NARF: variants seen among roughly 807,000 people sequenced by gnomAD.
NARF encodes the protein nuclear prelamin A recognition factor.
In NARF, 41 loss-of-function variants were observed where a neutral mutation model predicts 48.0. That is an observed-to-expected ratio of 0.85 (90% CI 0.66 to 1.11). The LOEUF (loss-of-function observed/expected upper bound fraction) is 1.11. NARF is among the 50% of genes least tolerant of loss of function. NARF has a pLI of 0.00. For synonymous variants in NARF, 215 were observed against 225.5 expected, an observed-to-expected ratio of 0.95 and a Z score of 0.42; for missense variants, 613 against 590.2, an observed-to-expected ratio of 1.04 and a Z score of -0.40.
chr17:82,487,788 C>CCCAAAAA, intron 10 of NARF, 128 bp from the exon 11 acceptor site: 3 of 759,764 alleles, frequency 3.9e-6, no homozygotes, highest in Non-Finnish European at 6.2e-6. Flanking sequence ...CCCTCCCGCC[C>CCCAAAAA]AATCTCTACA....
At chr17:82,483,695 T>G (rs756632139) in intron 7 of NARF, 21 bp from the exon 8 acceptor site, 2 of 1,613,428 alleles carry the variant, frequency 1.2e-6, no homozygotes, top group South Asian at 2.2e-5. Context: ...CTTTTCAGTG[T>G]CTTACTTCGT....
intron 3 of NARF, among the ~76,000 whole-genome samples, chr17:82,466,298 C>T (rs1280218308): frequency 6.6e-6 from 1 of 152,126 alleles, no homozygotes; most frequent in Non-Finnish European, 1.5e-5. Context: ...CCCCCTGATA[C>T]ATAGAGAATT....
chr17:82,488,321 T>C lies in NARF; in HGVS notation c.*164T>C. On this transcript the variant is annotated 3_prime_UTR_variant, in exon 11 of 11. Coordinates refer to ENST00000309794, the MANE Select transcript of NARF (RefSeq NM_012336.4). ...TGCTACCCCGTTTATTGGAGGCCCC[T>C]CAGGCAGTTTCATGTGGTGCTATCT... 9.1e-7 allele frequency: 1 copy of C among 1,099,262 alleles called. No individual in the cohort carries two copies. Among genetic ancestry groups the C allele is most frequent in the Non-Finnish European group, 1.3e-6 (1 of 794,828 alleles). The allele number at this position is 1,099,262 out of a possible 1,614,324, so 68.1% of individuals were successfully genotyped here. A position where few individuals can be genotyped will look rare whatever the true frequency, so the allele number is the denominator to read the frequency against.
Position 82,474,487 on chromosome 17 carries a change from C to T in NARF, c.520+1789C>T, listed in dbSNP as rs150939547. ...AATAAGGAAGGAATGGCTATCCTGG[C>T]AAACAACACTAGTTAAAAATTATTC... On this transcript the variant is annotated intron_variant, in intron 5 of 10. Transcript: ENST00000309794. 3.0e-3 allele frequency among the ~76,000 whole-genome samples: 464 copies of T among 152,254 alleles called. 3 individuals are homozygous for T. Among genetic ancestry groups the T allele is most frequent in the African/African-American group, 0.011 (439 of 41,544 alleles).
Position 82,488,318 on chromosome 17 carries a change from C to A in NARF, c.*161C>A. 8.7e-7 allele frequency: 1 copy of A among 1,151,296 alleles called. No homozygotes were observed. The highest frequency in any genetic ancestry group is 1.2e-6 in the Non-Finnish European group (1 of 842,016). 71.3% of individuals were successfully genotyped at this position (1,151,296 alleles called of 1,614,324 possible). On this transcript the variant is annotated 3_prime_UTR_variant, in exon 11 of 11. Coordinates refer to ENST00000309794, the MANE Select transcript of NARF (RefSeq NM_012336.4). ...CCCTGCTACCCCGTTTATTGGAGGC[C>A]CCTCAGGCAGTTTCATGTGGTGCTA...
In NARF at chr17:82,478,978, C is replaced by T. The variant is rs60231539; in HGVS notation, c.639+60C>T. On this transcript the variant is annotated intron_variant, in intron 6 of 10. Coordinates refer to ENST00000309794, the MANE Select transcript of NARF (RefSeq NM_012336.4). The stretch of plus-strand genomic sequence containing the variant: ...GTGAGGGAGGACCATGGCACAGGGG[C>T]CCAGGAAGGGGAGGTTCCCCATCTG... 473 of 1,501,362 alleles carry T rather than the reference C, an allele frequency of 3.2e-4. 10 individuals are homozygous for T. The East Asian group carries it at 0.011, about 34-fold the overall frequency. The allele number at this position is 1,501,362 out of a possible 1,614,324, so 93.0% of individuals were successfully genotyped here. A position where few individuals can be genotyped will look rare whatever the true frequency, so the allele number is the denominator to read the frequency against.
chr17:82,471,815 C>T (rs180790417), intron 4 of NARF, among the ~76,000 whole-genome samples: 179 of 145,054 alleles, frequency 1.2e-3, no homozygotes, highest in African/African-American at 4.4e-3. Flanking sequence ...AAAGTATGCC[C>T]AGCCATTCTA....
At chr17:82,471,724 G>A (rs959247728) in intron 4 of NARF, among the ~76,000 whole-genome samples, 5 of 140,820 alleles carry the variant, frequency 3.6e-5, no homozygotes, top group Admixed American at 7.8e-5. Flanking sequence ...CCCAAGAGGC[G>A]GAGCTTGCAG....
Position 82,484,832 on chromosome 17 carries a change from G to A in NARF, c.853G>A (p.Asp285Asn), listed in dbSNP as rs1441383026. The A allele has an allele frequency of 2.5e-6, 4 of 1,607,932 alleles. No individual in the cohort carries two copies. Among genetic ancestry groups the A allele is most frequent in the Non-Finnish European group, 3.4e-6 (4 of 1,177,082 alleles). ...VDTLFGDLKE[D>N]KVTRHDGASS... ...TGTGAGGTTTGGAGACTTGAAGGAGGACAAAGTGACGCGTCATGATGGAGC... is the reference window on the plus strand; with the variant it reads ...TGTGAGGTTTGGAGACTTGAAGGAGAACAAAGTGACGCGTCATGATGGAGC... The change falls in exon 9 of 11, where the codon GAC (aspartate) becomes AAC (asparagine). Residue 285 changes from aspartate to asparagine, a missense_variant. Physicochemically the swap from Asp to Asn is conservative, Grantham distance 23. Coordinates refer to ENST00000309794, the MANE Select transcript of NARF (RefSeq NM_012336.4).
chr17:82,464,858 A>G (rs1230417287), intron 3 of NARF, among the ~76,000 whole-genome samples: 1 of 152,150 alleles, frequency 6.6e-6, no homozygotes, highest in East Asian at 1.9e-4. Context: ...AAGGAAGTAA[A>G]AATTCCCAAA....
rs774992439 is a variant in NARF, at chr17:82,478,820, C to T, written c.541C>T (p.Arg181Trp). ...CCCAGGCTGGGTCCGATACGCCGAG[C>T]GGGTGCTGGGTCGCCCCATCACTGC... Reference protein sequence around the residue: ...ACPGWVRYAERVLGRPITAHL... With the variant: ...ACPGWVRYAEWVLGRPITAHL... Residue 181 changes from arginine (R) to tryptophan (W), a missense_variant, in exon 6 of 11, where the codon CGG (arginine) becomes TGG (tryptophan). Physicochemically the swap from Arg to Trp is moderately radical, Grantham distance 101. Coordinates refer to ENST00000309794, the MANE Select transcript of NARF (RefSeq NM_012336.4). The T allele has an allele frequency of 9.9e-6, 16 of 1,613,724 alleles. No individual in the cohort carries two copies. The highest frequency in any genetic ancestry group is 4.4e-5 in the South Asian group (4 of 91,058).
intron 6 of NARF, chr17:82,480,670 C>T (rs956769996): frequency 1.6e-5 from 7 of 435,706 alleles, no homozygotes; most frequent in South Asian, 7.1e-5. Context: ...CGATGGCTCA[C>T]GCCTGTAATT....
In NARF at chr17:82,458,772, A is replaced by C. The variant is rs1340617286; in HGVS notation, c.-32A>C. 1 of 1,467,536 alleles carries C rather than the reference A, an allele frequency of 6.8e-7. No homozygotes were observed. Among genetic ancestry groups the C allele is most frequent in the Non-Finnish European group, 9.0e-7 (1 of 1,115,462 alleles). 90.9% of individuals were successfully genotyped at this position (1,467,536 alleles called of 1,614,324 possible). A position where few individuals can be genotyped will look rare whatever the true frequency, so the allele number is the denominator to read the frequency against. On this transcript the variant is annotated 5_prime_UTR_variant, in exon 1 of 11. Transcript: ENST00000309794. ...GTCTCCCGGTGCTTCCCTGAGGCTG[A>C]GGCGCCCGGCCTCCCGCCCGCCGCG...
At chr17:82,478,474 C>T in intron 5 of NARF, 1 of 442,872 alleles carries the variant, frequency 2.3e-6, no homozygotes, top group South Asian at 1.7e-5. Context: ...CACGGTGCAG[C>T]CTGGGCCGCT....
At chr17:82,487,821 C>A (rs2044130761) in intron 10 of NARF, 95 bp from the exon 11 acceptor site, 1 of 1,002,350 alleles carries the variant, frequency 1.0e-6, no homozygotes, top group Non-Finnish European at 1.4e-6. Flanking sequence ...ATCAGCCGGG[C>A]AAGGTGGTGT....
intron 6 of NARF, chr17:82,480,606 G>T: frequency 2.4e-6 from 1 of 412,094 alleles, no homozygotes; most frequent in Non-Finnish European, 4.3e-6. Context: ...GTGGGGCCCG[G>T]CCTCAGACCC....
chr17:82,467,547 G>A (rs1311560479), intron 3 of NARF, among the ~76,000 whole-genome samples: 1 of 151,946 alleles, frequency 6.6e-6, no homozygotes, highest in Admixed American at 6.6e-5. Flanking sequence ...GAGTGCAGTG[G>A]AGCAATCTCA....
chr17:82,460,670 A>G (rs1177056025), intron 2 of NARF: 1 of 152,212 alleles, frequency 6.6e-6, no homozygotes, highest in Non-Finnish European at 1.5e-5. Flanking sequence ...AGGCTGAGCC[A>G]GGAGAAAGGC....
At chr17:82,486,826 T>G (rs919144900) in intron 10 of NARF, among the ~76,000 whole-genome samples, 3 of 152,222 alleles carry the variant, frequency 2.0e-5, no homozygotes, top group African/African-American at 7.2e-5. Context: ...TGCTCCAGAT[T>G]GTTTTAAATG....
Sources: gnomAD v4.1 joint callset for allele counts (sites outside exome capture counted in the v4.1 genomes callset) on GRCh38, gnomAD v4.1.1 for gene constraint, MANE v1.5 for transcripts, NCBI Gene and HGNC (gene_info 2026-07-23, HGNC 2026-07-21) for gene names.